The following UNC80 variants were observed in gnomAD, a reference collection of about 807,000 sequenced individuals.
UNC80 encodes protein unc-80 homolog.
UNC80 carries 164 observed loss-of-function variants against 384.6 expected under a neutral mutation model. That is an observed-to-expected ratio of 0.43 (90% CI 0.38 to 0.49). UNC80 has a LOEUF of 0.49. Among genes scored for constraint, UNC80 ranks in the 20% least tolerant of loss-of-function variants. The pLI, the probability that UNC80 is intolerant of heterozygous loss-of-function variation, is 0.00. For synonymous variants in UNC80, 1,486 were observed against 1,527.8 expected (o/e 0.97, Z 0.64); for missense variants, 3,330 against 4,143.0 (o/e 0.80, Z 5.39).
At chr2:209,903,350 G>GTC (rs1159639549) in intron 28 of UNC80, among the ~76,000 whole-genome samples, 3 of 132,482 alleles carry the variant, frequency 2.3e-5, no homozygotes, top group Non-Finnish European at 3.1e-5. Context: ...GTGTGTGTGT[G>GTC]TGGACAGTGT....
At position 209,954,207 on chromosome 2, in the gene UNC80, C is replaced by G; in HGVS notation, c.7394C>G (p.Ala2465Gly). 1 of 1,550,976 alleles carries G rather than the reference C, an allele frequency of 6.4e-7. No individual in the cohort carries two copies. The highest frequency in any genetic ancestry group is 8.7e-7 in the Non-Finnish European group (1 of 1,146,904). ...GTACCTGCTGCCCGAGAGGAGATTG[C>G]GGCCACTGCTGCTCTTGCGACGTCC... ...ETVPAAREEI[A>G]ATAALATSLQ... The change falls in exon 48 of 65, where the codon GCG becomes GGG. Residue 2465 changes from alanine to glycine, a missense_variant. Physicochemically the swap from Ala to Gly is moderately conservative, Grantham distance 60. Coordinates refer to ENST00000673920, the MANE Select transcript of UNC80 (RefSeq NM_001371986.1).
At chr2:209,947,121 C>T (rs1180165436) in intron 47 of UNC80, among the ~76,000 whole-genome samples, 1 of 152,116 alleles carries the variant, frequency 6.6e-6, no homozygotes, top group Non-Finnish European at 1.5e-5. Context: ...TTCCTACTCC[C>T]ATTTTCTTGC....
At chr2:209,784,774 A>G (rs2077335628) in intron 4 of UNC80, among the ~76,000 whole-genome samples, 1 of 152,196 alleles carries the variant, frequency 6.6e-6, no homozygotes, top group Non-Finnish European at 1.5e-5. Context: ...AGTACCGGGT[A>G]TATGGTAGGT....
At chr2:209,861,294 A>G (rs1275093429) in intron 22 of UNC80, among the ~76,000 whole-genome samples, 1 of 152,216 alleles carries the variant, frequency 6.6e-6, no homozygotes, top group East Asian at 1.9e-4. Context: ...TTCTGCACCT[A>G]TTGAGATAAT....
intron 5 of UNC80, among the ~76,000 whole-genome samples, chr2:209,787,412 C>T (rs1314060859): frequency 1.3e-5 from 2 of 152,152 alleles, no homozygotes; most frequent in Admixed American, 6.5e-5. Flanking sequence ...GTCAAGTGAC[C>T]TTGGGCAAGT....
intron 51 of UNC80, among the ~76,000 whole-genome samples, chr2:209,964,785 C>CA (rs1299831479): frequency 0.077 from 4,417 of 57,226 alleles, 321 homozygotes; most frequent in African/African-American, 0.23. Flanking sequence ...GACTCTGTCT[C>CA]AAAAAAAAAA....
rs2084936705 is a variant in UNC80 at position 209,878,045 on chromosome 2, G to C, written c.3932G>C (p.Arg1311Thr). 6.5e-7 allele frequency: 1 copy of C among 1,544,426 alleles called. No homozygotes were observed. Among genetic ancestry groups the C allele is most frequent in the Non-Finnish European group, 8.7e-7 (1 of 1,143,564 alleles). ...LGLIYDEETK[R>T]RLRKEDEEED... ...CTCATTTACGATGAAGAGACCAAGAGGAGACTTAGAAAGGAGGATGAGGAG... is the reference window on the plus strand; with the variant it reads ...CTCATTTACGATGAAGAGACCAAGACGAGACTTAGAAAGGAGGATGAGGAG... The change falls in exon 24 of 65, where the codon AGG (arginine) becomes ACG (threonine). Residue 1311 changes from arginine to threonine, a missense_variant. Arg to Thr is a moderately conservative substitution (Grantham distance 71). This residue lies in a region of UNC80 where 801 missense variants were observed against 950.8 expected (regional missense o/e 0.84). Transcript: ENST00000673920.
chr2:209,967,231 A>G (rs184910945), intron 51 of UNC80, among the ~76,000 whole-genome samples: 7 of 152,114 alleles, frequency 4.6e-5, no homozygotes, highest in East Asian at 1.9e-4. Flanking sequence ...GAAGCATTCT[A>G]TGATTCTCTA....
At chr2:209,787,084 GCAGA>G (rs2077486638) in intron 5 of UNC80, among the ~76,000 whole-genome samples, 1 of 113,642 alleles carries the variant, frequency 8.8e-6, no homozygotes, top group South Asian at 2.9e-4. Context: ...AGGGTTTTGT[GCAGA>G]CAATGGACAA....
intron 22 of UNC80, among the ~76,000 whole-genome samples, chr2:209,857,628 T>C (rs969633810): frequency 3.3e-5 from 5 of 152,168 alleles, no homozygotes; most frequent in Non-Finnish European, 7.4e-5. Flanking sequence ...CATTATTCTT[T>C]AGTTAAGTTG....
chr2:209,988,783 A>G (rs1330894857), intron 61 of UNC80, among the ~76,000 whole-genome samples: 1 of 152,178 alleles, frequency 6.6e-6, no homozygotes, highest in Non-Finnish European at 1.5e-5. Context: ...AATATGGGTC[A>G]CACCAGTTCT....
At chr2:209,959,069 G>T in intron 49 of UNC80, 50 bp from the exon 50 acceptor site, 1 of 1,526,932 alleles carries the variant, frequency 6.5e-7, no homozygotes, top group Non-Finnish European at 8.9e-7. Flanking sequence ...CCAACCAAAG[G>T]ACCCCGTTCT....
At chr2:209,772,234 C>T (rs1193179140) in intron 1 of UNC80, 70 bp downstream of exon 1, 2 of 896,228 alleles carry the variant, frequency 2.2e-6, no homozygotes, top group Non-Finnish European at 2.9e-6. Flanking sequence ...CCCGGGTCGC[C>T]GCTGCCGCCG....
chr2:209,886,847 C>G (rs1397340926), intron 25 of UNC80, among the ~76,000 whole-genome samples: 7 of 152,078 alleles, frequency 4.6e-5, no homozygotes, highest in Non-Finnish European at 1.0e-4. Context: ...TATAGCAGCA[C>G]AAACATGTCA....
At chr2:209,926,745 C>T in intron 35 of UNC80, 98 bp from the exon 36 acceptor site, 1 of 1,445,624 alleles carries the variant, frequency 6.9e-7, no homozygotes, top group Non-Finnish European at 9.4e-7. Flanking sequence ...CACTGTACTC[C>T]AGCCTGGGTG....
intron 47 of UNC80, among the ~76,000 whole-genome samples, chr2:209,946,508 G>A (rs527516891): frequency 6.6e-6 from 1 of 152,160 alleles, no homozygotes; most frequent in African/African-American, 2.4e-5. Context: ...CAGATGCTAA[G>A]GTATTTAGTC....
rs1235861752 is a variant in UNC80 at position 209,997,596 on chromosome 2, T to C, written c.*2001T>C. 6.6e-6 allele frequency: 1 copy of C among 152,218 alleles called. No individual in the cohort carries two copies. The highest frequency in any genetic ancestry group is 1.5e-5 in the Non-Finnish European group (1 of 68,028). The allele number at this position is 152,218 out of a possible 1,614,324, so 9.4% of individuals were successfully genotyped here. On this transcript the variant is annotated 3_prime_UTR_variant, in exon 65 of 65. Transcript: ENST00000673920. The stretch of plus-strand genomic sequence containing the variant: ...ACCTTTATATGTATTTTAAAAGTAT[T>C]GGGCTGTTCTGAACATGATTATGCT...
chr2:209,840,603 C>T lies in UNC80; in HGVS notation c.3312C>T (p.Asp1104=). 1.3e-6 allele frequency: 2 copies of T among 1,552,014 alleles called. No individual in the cohort carries two copies. Among genetic ancestry groups the T allele is most frequent in the Non-Finnish European group, 8.7e-7 (1 of 1,147,036 alleles). ...CAGATGGTGTGGAGGACCTCCTGGA[C>T]ATTAGCTCTGTGGACCGACTCTCTT... The part of the protein sequence containing the change: ...GLADGVEDLL[D]ISSVDRLSFI... Residue 1104 remains aspartate, a synonymous_variant, in exon 20 of 65, where the codon GAC becomes GAT. Transcript: ENST00000673920.
At chr2:209,945,469 G>C (rs1269540192) in intron 46 of UNC80, among the ~76,000 whole-genome samples, 2 of 151,998 alleles carry the variant, frequency 1.3e-5, no homozygotes. Context: ...CAGAAAGTTG[G>C]GTTATCTTGG....
Sources: allele counts gnomAD v4.1 joint callset (sites outside exome capture counted in the v4.1 genomes callset), GRCh38; gene constraint gnomAD v4.1.1; regional missense constraint gnomAD v4.1.1; transcripts MANE v1.5; gene names NCBI Gene and HGNC (gene_info 2026-07-23, HGNC 2026-07-21).